The following PCDH15 variants were observed in gnomAD, a reference collection of about 807,000 sequenced individuals.
PCDH15 encodes protocadherin related 15, also known as protocadherin-15.
Under a neutral mutation model 178.5 loss-of-function variants are expected in PCDH15, and 129 were observed. That is an observed-to-expected ratio of 0.72 (90% CI 0.63 to 0.84). The LOEUF (loss-of-function observed/expected upper bound fraction) is 0.84. Ranked by LOEUF, PCDH15 falls within the 40% of genes least tolerant of loss-of-function variation. The pLI is 0.00. For synonymous variants in PCDH15, 800 were observed against 732.0 expected (o/e 1.09, Z -1.50); for missense variants, 2,230 against 2,099.9 (o/e 1.06, Z -1.21).
intron 2 of PCDH15, among the ~76,000 whole-genome samples, chr10:55,472,719 C>T (rs1357165488): frequency 1.3e-5 from 2 of 152,154 alleles, no homozygotes; most frequent in African/African-American, 4.8e-5. Context: ...CAGGCGCCCG[C>T]CACCACGCCC....
At chr10:54,548,947 T>C (rs893985790) in intron 2 of PCDH15, among the ~76,000 whole-genome samples, 1 of 137,798 alleles carries the variant, frequency 7.3e-6, no homozygotes, top group African/African-American at 2.5e-5. Context: ...TTAATGTTTT[T>C]CTAGAAATGT....
chr10:54,617,755 CAAAAAAAA>C (rs71010398), intron 2 of PCDH15, among the ~76,000 whole-genome samples: 153 of 117,074 alleles, frequency 1.3e-3, no homozygotes, highest in Admixed American at 1.6e-3. Flanking sequence ...TCTAAAAATA[CAAAAAAAA>C]AAAAAAAAAA....
chr10:55,233,013 A>G (rs185259953), intron 1 of PCDH15, among the ~76,000 whole-genome samples: 2 of 152,250 alleles, frequency 1.3e-5, no homozygotes, highest in Admixed American at 1.3e-4. Flanking sequence ...ATGTTTTGGG[A>G]CAGTTAGTTA....
At chr10:54,762,389 G>C (rs1445425936) in intron 1 of PCDH15, among the ~76,000 whole-genome samples, 1 of 152,112 alleles carries the variant, frequency 6.6e-6, no homozygotes, top group East Asian at 1.9e-4. Context: ...AGAAAAAGTA[G>C]ATTGCAATAT....
At chr10:54,254,563 C>A (rs2056756155) in intron 8 of PCDH15, among the ~76,000 whole-genome samples, 1 of 152,076 alleles carries the variant, frequency 6.6e-6, no homozygotes, top group African/African-American at 2.4e-5. Flanking sequence ...GAATCACAAA[C>A]AGAATAGAAG....
intron 14 of PCDH15, among the ~76,000 whole-genome samples, chr10:54,137,545 A>G (rs2133123179): frequency 6.6e-6 from 1 of 152,234 alleles, no homozygotes; most frequent in African/African-American, 2.4e-5. Flanking sequence ...AGGCCTCCCA[A>G]AAAAGGTATC....
chr10:55,574,928 C>A (rs1589149048), intron 2 of PCDH15, among the ~76,000 whole-genome samples: 1 of 152,060 alleles, frequency 6.6e-6, no homozygotes, highest in African/African-American at 2.4e-5. Flanking sequence ...GATGGTTGAA[C>A]CTAGAAAATG....
upstream of PCDH15, among the ~76,000 whole-genome samples, chr10:55,323,075 T>C (rs1265896261): frequency 6.6e-6 from 1 of 151,962 alleles, no homozygotes; most frequent in Admixed American, 6.6e-5. Context: ...CAGGCTTGAG[T>C]TCAAGCTCAA....
At chr10:55,536,405 C>A (rs766687253) in intron 2 of PCDH15, among the ~76,000 whole-genome samples, 2 of 152,062 alleles carry the variant, frequency 1.3e-5, no homozygotes, top group Non-Finnish European at 2.9e-5. Flanking sequence ...TCAAAGAATT[C>A]TTTCAATATG....
At chr10:55,556,755 C>T (rs192646979) in intron 2 of PCDH15, among the ~76,000 whole-genome samples, 7 of 152,236 alleles carry the variant, frequency 4.6e-5, no homozygotes, top group East Asian at 3.9e-4. Context: ...GCAGGAGAAT[C>T]GCTTGGACCC....
intron 1 of PCDH15, among the ~76,000 whole-genome samples, chr10:54,730,265 G>A (rs1337212884): frequency 2.0e-5 from 3 of 151,566 alleles, no homozygotes; most frequent in Non-Finnish European, 3.0e-5. Context: ...GGATGGAACT[G>A]GAGGCTATTA....
At position 54,686,309 on chromosome 10, in the gene PCDH15, G is replaced by A. The variant is rs567972803; in HGVS notation, c.-28-22019C>T. ...AAAGTTCAAAGGCCATTTAATAGTTGAAATTTTATGATGGGTGCAAATTTT... is the reference window on the plus strand; with the variant it reads ...AAAGTTCAAAGGCCATTTAATAGTTAAAATTTTATGATGGGTGCAAATTTT... On this transcript the variant is annotated intron_variant, in intron 1 of 37. Coordinates refer to ENST00000644397, the MANE Select transcript of PCDH15 (RefSeq NM_001384140.1). Among the ~76,000 whole-genome samples, 6 of 152,112 alleles carry A rather than the reference G, an allele frequency of 3.9e-5. No individual in the cohort carries two copies. In the East Asian group the frequency reaches 7.7e-4, roughly 20 times the overall value.
At chr10:54,943,377 C>A (rs1051270817) in intron 2 of PCDH15, among the ~76,000 whole-genome samples, 1 of 151,938 alleles carries the variant, frequency 6.6e-6, no homozygotes, top group South Asian at 2.1e-4. Context: ...AATGTGCTCA[C>A]CTGAATAATC....
intron 15 of PCDH15, among the ~76,000 whole-genome samples, chr10:54,125,386 T>C (rs2132941766): frequency 6.6e-6 from 1 of 152,288 alleles, no homozygotes; most frequent in East Asian, 1.9e-4. Context: ...GTTCTGGGTG[T>C]CAGTGGACAC....
At chr10:53,999,735 AG>A (rs976658405) in intron 20 of PCDH15, among the ~76,000 whole-genome samples, 1 of 152,202 alleles carries the variant, frequency 6.6e-6, no homozygotes, top group Non-Finnish European at 1.5e-5. Context: ...TTTGACTTCC[AG>A]ACGGTAACTT....
Position 55,442,469 on chromosome 10 carries a change from AT to A in PCDH15, c.-156+185155del, listed in dbSNP as rs1315341712. Among the ~76,000 whole-genome samples, 183 of 68,660 alleles carry A rather than the reference AT, an allele frequency of 2.7e-3. 3 individuals carry two copies. The East Asian group carries it at 0.049, about 19-fold the overall frequency. 45.0% of individuals were successfully genotyped at this position (68,660 alleles called of 152,430 possible). A position where few individuals can be genotyped will look rare whatever the true frequency, so the allele number is the denominator to read the frequency against. ...TCTTAATTTGATTATATATATATAT[AT>A]TATATATATATTATATATATATATA... On this transcript the variant is annotated intron_variant, in intron 2 of 5. Transcript: ENST00000613346.
At chr10:55,414,027 T>C (rs1589003602) in intron 2 of PCDH15, among the ~76,000 whole-genome samples, 1 of 151,566 alleles carries the variant, frequency 6.6e-6, no homozygotes, top group African/African-American at 2.4e-5. Flanking sequence ...AGAAAAAATG[T>C]ATTTCAGCAT....
chr10:54,611,040 T>C (rs2092944183), intron 2 of PCDH15, among the ~76,000 whole-genome samples: 1 of 151,866 alleles, frequency 6.6e-6, no homozygotes, highest in Admixed American at 6.6e-5. Flanking sequence ...TATAAATGTC[T>C]TAAATACCAC....
chr10:54,201,297 G>T (rs778771247), intron 10 of PCDH15, among the ~76,000 whole-genome samples: 2 of 152,090 alleles, frequency 1.3e-5, no homozygotes, highest in South Asian at 2.1e-4. Flanking sequence ...TCAATGTAGT[G>T]AATTATGGTC....
Sources: gnomAD v4.1 joint callset for allele counts (sites outside exome capture counted in the v4.1 genomes callset) on GRCh38, gnomAD v4.1.1 for gene constraint, MANE v1.5 for transcripts, NCBI Gene and HGNC (gene_info 2026-07-23, HGNC 2026-07-21) for gene names.